The following RGS17 variants were observed in gnomAD, a reference collection of about 807,000 sequenced individuals.
RGS17 encodes the protein regulator of G protein signaling 17.
RGS17 carries 12 observed loss-of-function variants against 25.5 expected under a neutral mutation model. The observed-to-expected ratio is 0.47, with a 90% CI of 0.30 to 0.76. The LOEUF is 0.76. Among genes scored for constraint, RGS17 ranks in the 30% least tolerant of loss-of-function variants. RGS17 has a pLI of 0.07. For synonymous variants in RGS17, 71 were observed against 76.9 expected, an observed-to-expected ratio of 0.92 and a Z score of 0.40; for missense variants, 196 against 242.2, an observed-to-expected ratio of 0.81 and a Z score of 1.27.
At chr6:153,128,307 A>C (rs1777734283) in intron 1 of RGS17, among the ~76,000 whole-genome samples, 1 of 152,162 alleles carries the variant, frequency 6.6e-6, no homozygotes. Context: ...CGGTCCTTCG[A>C]TTTGCCCTCT....
At chr6:153,097,797 G>A (rs1777239600) in intron 1 of RGS17, among the ~76,000 whole-genome samples, 1 of 152,102 alleles carries the variant, frequency 6.6e-6, no homozygotes, top group African/African-American at 2.4e-5. Context: ...GTGAAGATTG[G>A]TGAAAATTAG....
At chr6:153,033,057 C>T (rs909559773) in intron 2 of RGS17, among the ~76,000 whole-genome samples, 1 of 152,178 alleles carries the variant, frequency 6.6e-6, no homozygotes, top group Admixed American at 6.5e-5. Flanking sequence ...GGTACGTGAA[C>T]ATTCATTTCT....
chr6:153,027,724 T>C (rs1259533539), intron 2 of RGS17, among the ~76,000 whole-genome samples: 2 of 152,142 alleles, frequency 1.3e-5, no homozygotes, highest in Non-Finnish European at 2.9e-5. Context: ...ATAGGTGCTA[T>C]AGTTGGAATT....
intron 1 of RGS17, among the ~76,000 whole-genome samples, chr6:153,077,283 G>A (rs1449938702): frequency 6.6e-6 from 1 of 152,120 alleles, no homozygotes; most frequent in Non-Finnish European, 1.5e-5. Flanking sequence ...CAAAATCAGT[G>A]CTGTGTAGGG....
chr6:153,029,276 C>G (rs752626364), intron 2 of RGS17, among the ~76,000 whole-genome samples: 2 of 152,132 alleles, frequency 1.3e-5, no homozygotes, highest in African/African-American at 2.4e-5. Flanking sequence ...TCCTTTACTA[C>G]CGGTCTTAAA....
At chr6:153,085,912 AG>A (rs1347235635) in intron 1 of RGS17, among the ~76,000 whole-genome samples, 1 of 150,360 alleles carries the variant, frequency 6.7e-6, no homozygotes, top group East Asian at 2.0e-4. Context: ...AAACAACTGT[AG>A]AGGGGGCAGG....
intron 1 of RGS17, among the ~76,000 whole-genome samples, chr6:153,125,271 T>C (rs975346467): frequency 7.2e-5 from 11 of 152,174 alleles, no homozygotes; most frequent in African/African-American, 2.7e-4. Flanking sequence ...TACAATAGAA[T>C]TATATTTACT....
At chr6:153,088,727 G>C (rs1777085806) in intron 1 of RGS17, among the ~76,000 whole-genome samples, 2 of 152,056 alleles carry the variant, frequency 1.3e-5, no homozygotes, top group Non-Finnish European at 2.9e-5. Context: ...CCCAAGTGCA[G>C]ATGCTTTTGG....
At chr6:153,019,917 T>C (rs1321591879) in intron 4 of RGS17, among the ~76,000 whole-genome samples, 2 of 151,790 alleles carry the variant, frequency 1.3e-5, no homozygotes, top group Non-Finnish European at 2.9e-5. Context: ...AAGTCTACTA[T>C]TAGGCTTAAA....
chr6:153,086,803 T>C (rs1211662562), intron 1 of RGS17, among the ~76,000 whole-genome samples: 2 of 152,200 alleles, frequency 1.3e-5, no homozygotes, highest in Non-Finnish European at 2.9e-5. Flanking sequence ...ACCTTCTCAT[T>C]ATGACTTAGC....
chr6:153,099,830 A>C (rs933595372), intron 1 of RGS17, among the ~76,000 whole-genome samples: 1 of 152,182 alleles, frequency 6.6e-6, no homozygotes, highest in Non-Finnish European at 1.5e-5. Context: ...TTAAATAAGA[A>C]AATATGTATG....
chr6:153,052,710 A>G (rs1776477613), intron 1 of RGS17, among the ~76,000 whole-genome samples: 1 of 152,152 alleles, frequency 6.6e-6, no homozygotes, highest in Admixed American at 6.5e-5. Context: ...TGGGATGGAA[A>G]TAATGTATTC....
In RGS17 at chr6:153,120,563, T is replaced by C. The variant is rs565595629; in HGVS notation, c.-26+10561A>G. ...TGAAATTGTGGTGTTCCTACTTCCC[T>C]TGACCGCCCCCCTGCATGGACTGAT... On this transcript the variant is annotated intron_variant, in intron 1 of 4. Transcript: ENST00000206262. Among the ~76,000 whole-genome samples the C allele has an allele frequency of 6.6e-5, 10 of 152,252 alleles. No homozygotes were observed. The East Asian group carries it at 1.9e-3, about 29-fold the overall frequency.
At chr6:153,016,053 G>C (rs1206750065) in intron 4 of RGS17, among the ~76,000 whole-genome samples, 2 of 152,108 alleles carry the variant, frequency 1.3e-5, no homozygotes, top group Non-Finnish European at 2.9e-5. Flanking sequence ...CTGCAGTATT[G>C]CTGAAGCAAG....
intron 1 of RGS17, among the ~76,000 whole-genome samples, chr6:153,085,515 T>C (rs1777039813): frequency 6.6e-6 from 1 of 152,156 alleles, no homozygotes; most frequent in Non-Finnish European, 1.5e-5. Context: ...GTAAAATGTT[T>C]ATTACCGGTT....
intron 1 of RGS17, among the ~76,000 whole-genome samples, chr6:153,099,467 T>C (rs1777263351): frequency 6.6e-6 from 1 of 152,196 alleles, no homozygotes; most frequent in Non-Finnish European, 1.5e-5. Context: ...CCTGCTATAA[T>C]TAGAGAAGCA....
chr6:153,028,170 T>C (rs1210747638), intron 2 of RGS17, among the ~76,000 whole-genome samples: 1 of 152,138 alleles, frequency 6.6e-6, no homozygotes, highest in Admixed American at 6.5e-5. Flanking sequence ...TAGGATTTCA[T>C]AGTGAAATAC....
At chr6:153,055,454 A>G (rs1034456972) in intron 1 of RGS17, among the ~76,000 whole-genome samples, 1 of 152,220 alleles carries the variant, frequency 6.6e-6, no homozygotes, top group Non-Finnish European at 1.5e-5. Flanking sequence ...CTATAGAGGA[A>G]GAGTGTCAAA....
intron 1 of RGS17, among the ~76,000 whole-genome samples, chr6:153,120,033 G>C (rs1412496362): frequency 6.6e-6 from 1 of 152,142 alleles, no homozygotes; most frequent in African/African-American, 2.4e-5. Flanking sequence ...TTTTGTAAGT[G>C]AATTTCACCA....
Sources: gnomAD v4.1 joint callset for allele counts (sites outside exome capture counted in the v4.1 genomes callset) on GRCh38, gnomAD v4.1.1 for gene constraint, MANE v1.5 for transcripts, NCBI Gene and HGNC (gene_info 2026-07-23, HGNC 2026-07-21) for gene names.